Variants in E2F5 observed in about 807,000 individuals in gnomAD.
The protein encoded by E2F5 is transcription factor E2F5.
In E2F5, 23 loss-of-function variants were observed where a neutral mutation model predicts 39.1. The observed-to-expected ratio is 0.59, with a 90% CI of 0.42 to 0.83. The LOEUF (loss-of-function observed/expected upper bound fraction) is 0.83, where lower values mean the gene tolerates loss of function less well. E2F5 is among the 40% of genes least tolerant of loss of function. E2F5 has a pLI of 0.00. For missense variants in E2F5, 365 were observed against 406.7 expected (o/e 0.90, Z 0.88); for synonymous variants, 145 against 157.8 (o/e 0.92, Z 0.61).
intron 1 of E2F5, among the ~76,000 whole-genome samples, chr8:85,180,538 ATATATATATATATATATG>A (rs1563974681): frequency 4.6e-5 from 2 of 43,102 alleles, no homozygotes; most frequent in African/African-American, 1.2e-4. Flanking sequence ...ATATATATAT[ATATATATATATATATATG>A]GTTTTTTGGT....
intron 1 of E2F5, among the ~76,000 whole-genome samples, chr8:85,180,247 C>T (rs1425107444): frequency 6.7e-6 from 1 of 149,528 alleles, no homozygotes; most frequent in Non-Finnish European, 1.5e-5. Context: ...TCTCGAACTC[C>T]CAACCTCAAA....
chr8:85,178,081 A>G (rs1360402950), intron 1 of E2F5: 1 of 152,388 alleles, frequency 6.6e-6, no homozygotes, highest in African/African-American at 2.4e-5. Flanking sequence ...GATGGTTTTA[A>G]TAGGCGATTC....
rs1813008867 is a variant in E2F5 at position 85,213,673 on chromosome 8, G to A, written c.932-80G>A. On this transcript the variant is annotated intron_variant, in intron 7 of 7. Coordinates refer to ENST00000416274, the MANE Select transcript of E2F5 (RefSeq NM_001951.4). Reference sequence around the variant, plus strand: ...ACACAAGACTTTAATTTGGAATGATGTATTTGAGAGTATTTTGTTAAAGAT... The same window carrying A: ...ACACAAGACTTTAATTTGGAATGATATATTTGAGAGTATTTTGTTAAAGAT... The A allele has an allele frequency of 2.4e-5, 17 of 707,834 alleles. No individual in the cohort carries two copies. The South Asian group carries it at 2.7e-4, about 11-fold the overall frequency. The allele number at this position is 707,834 out of a possible 1,614,324, so 43.8% of individuals were successfully genotyped here.
Position 85,203,212 on chromosome 8 carries a change from C to T in E2F5, c.463C>T (p.Gln155Ter). ...ACTTGATCAGCAGAAGTTGTGGCTA[C>T]AGCAAAGCATCAAAAATGTGATGGA... ...RELDQQKLWL[Q>*]QSIKNVMDDS... The change falls in exon 3 of 8, where the codon CAG becomes TAG. Residue 155 changes from glutamine (Q) to a stop codon, truncating the protein, a stop_gained. Transcript: ENST00000416274. LOFTEE classifies it high-confidence loss of function. 1 of 1,602,624 alleles carries T rather than the reference C, an allele frequency of 6.2e-7. No individual in the cohort carries two copies. The highest frequency in any genetic ancestry group is 8.5e-7 in the Non-Finnish European group (1 of 1,174,478).
intron 1 of E2F5, among the ~76,000 whole-genome samples, chr8:85,196,819 CTTAA>C (rs891662949): frequency 3.5e-4 from 53 of 152,102 alleles, no homozygotes; most frequent in African/African-American, 1.3e-3. Flanking sequence ...AAAGGTTCCT[CTTAA>C]TTGTGGATTG....
At chr8:85,210,489 C>A (rs933272734) in intron 6 of E2F5, among the ~76,000 whole-genome samples, 2 of 151,910 alleles carry the variant, frequency 1.3e-5, no homozygotes, top group Non-Finnish European at 2.9e-5. Flanking sequence ...ACCAGTCTTG[C>A]CAACATATAG....
chr8:85,189,470 A>G (rs1812415051), intron 1 of E2F5, among the ~76,000 whole-genome samples: 1 of 152,120 alleles, frequency 6.6e-6, no homozygotes, highest in Non-Finnish European at 1.5e-5. Flanking sequence ...CCCAGGCTCA[A>G]GCGAGTCTCC....
At chr8:85,200,254 A>G (rs1812667626) in intron 1 of E2F5, 3 of 951,362 alleles carry the variant, frequency 3.2e-6, no homozygotes, top group South Asian at 4.9e-5. Context: ...CTCAAAAAAA[A>G]AAAAGAATGA....
chr8:85,203,792 G>A (rs2129727465), intron 3 of E2F5, among the ~76,000 whole-genome samples: 1 of 147,970 alleles, frequency 6.8e-6, no homozygotes, highest in Middle Eastern at 3.6e-3. Context: ...TATATTGGGG[G>A]AAAAACATTA....
At chr8:85,188,048 C>G (rs1439594040) in intron 1 of E2F5, among the ~76,000 whole-genome samples, 3 of 152,102 alleles carry the variant, frequency 2.0e-5, no homozygotes, top group African/African-American at 7.2e-5. Context: ...AAAAAGAAAC[C>G]TAACAAGCCT....
intron 1 of E2F5, among the ~76,000 whole-genome samples, chr8:85,189,449 A>C (rs1410742777): frequency 6.6e-6 from 1 of 152,122 alleles, no homozygotes; most frequent in African/African-American, 2.4e-5. Flanking sequence ...GGCTTACTGC[A>C]ACCTCTACCA....
chr8:85,203,891 A>G (rs539845137), intron 3 of E2F5, among the ~76,000 whole-genome samples: 1 of 149,728 alleles, frequency 6.7e-6, no homozygotes, highest in Non-Finnish European at 1.5e-5. Flanking sequence ...ATAAAAACAC[A>G]TATCCATGTG....
At position 85,209,360 on chromosome 8, in the gene E2F5, TGAAA is replaced by T. The variant is rs757278631; in HGVS notation, c.838_841del (p.Arg280AlafsTer26). ...AAAATCTGCCTGAGCAACATGTCTCTGAAAGAAGCCAGGCTCTGCAGCAGACATC... is the reference window on the plus strand; with the variant it reads ...AAAATCTGCCTGAGCAACATGTCTCTGAAGCCAGGCTCTGCAGCAGACATC... On this transcript the variant is annotated frameshift_variant, in exon 6 of 8. Transcript: ENST00000416274. LOFTEE classifies it high-confidence loss of function. 1 of 1,613,836 alleles carries T rather than the reference TGAAA, an allele frequency of 6.2e-7. No homozygotes were observed. The highest frequency in any genetic ancestry group is 8.5e-7 in the Non-Finnish European group (1 of 1,179,802).
At chr8:85,201,971 T>C in intron 1 of E2F5, 176 bp from the exon 2 acceptor site, 1 of 592,742 alleles carries the variant, frequency 1.7e-6, no homozygotes, top group Non-Finnish European at 2.9e-6. Flanking sequence ...TGGAATAATT[T>C]CTTTGGTATT....
rs764669194 is a variant in E2F5 at position 85,202,151 on chromosome 8, C to T, written c.239C>T (p.Ala80Val). 6.2e-7 allele frequency: 1 copy of T among 1,611,814 alleles called. No homozygotes were observed. Among genetic ancestry groups the T allele is most frequent in the Non-Finnish European group, 8.5e-7 (1 of 1,178,936 alleles). ...KDGVLDLKAA[A>V]DTLAVRQKRR... ...CTCGTTGTCTTTCCTGAACAGGCTGCTGATACTTTGGCTGTGAGGCAAAAA... is the reference window on the plus strand; with the variant it reads ...CTCGTTGTCTTTCCTGAACAGGCTGTTGATACTTTGGCTGTGAGGCAAAAA... Residue 80 changes from alanine to valine, a missense_variant, in exon 2 of 8, where the codon GCT becomes GTT. By Grantham distance (64) the Ala-to-Val change is moderately conservative (BLOSUM62 0). Coordinates refer to ENST00000416274, the MANE Select transcript of E2F5 (RefSeq NM_001951.4).
At chr8:85,185,324 A>G (rs1191638608) in intron 1 of E2F5, among the ~76,000 whole-genome samples, 1 of 152,170 alleles carries the variant, frequency 6.6e-6, no homozygotes, top group Non-Finnish European at 1.5e-5. Context: ...AGAAAACTGA[A>G]ACTGGAGCCC....
At chr8:85,181,387 G>A (rs1316720019) in intron 1 of E2F5, among the ~76,000 whole-genome samples, 1 of 151,648 alleles carries the variant, frequency 6.6e-6, no homozygotes, top group East Asian at 2.0e-4. Context: ...CTGGAGTGCA[G>A]TGTCGCGATC....
chr8:85,182,762 T>C (rs1812246851), intron 1 of E2F5, among the ~76,000 whole-genome samples: 1 of 152,244 alleles, frequency 6.6e-6, no homozygotes, highest in African/African-American at 2.4e-5. Flanking sequence ...ATTTGCCATT[T>C]TGGTGTCAGT....
chr8:85,201,889 T>C, intron 1 of E2F5: 1 of 471,002 alleles, frequency 2.1e-6, no homozygotes, highest in South Asian at 2.6e-5. Context: ...CTTATTGTGT[T>C]CTTTTATTTT....
Sources: allele counts gnomAD v4.1 joint callset (sites outside exome capture counted in the v4.1 genomes callset), GRCh38; gene constraint gnomAD v4.1.1; transcripts MANE v1.5; gene names NCBI Gene and HGNC (gene_info 2026-07-23, HGNC 2026-07-21).